The following STK33 variants were observed in gnomAD, a reference collection of about 807,000 sequenced individuals.
STK33 encodes serine/threonine-protein kinase 33.
STK33 carries 52 observed loss-of-function variants against 58.0 expected under a neutral mutation model. The observed-to-expected ratio is 0.90, with a 90% CI of 0.72 to 1.13. The LOEUF (loss-of-function observed/expected upper bound fraction) is 1.13. STK33 is among the 50% of genes most tolerant of loss of function. The pLI, the probability that STK33 is intolerant of heterozygous loss-of-function variation, is 0.00. For synonymous variants in STK33, 215 were observed against 200.1 expected, an observed-to-expected ratio of 1.07 and a Z score of -0.63; for missense variants, 630 against 604.2, an observed-to-expected ratio of 1.04 and a Z score of -0.45.
chr11:8,488,965 A>C (rs535190363), intron 1 of STK33, among the ~76,000 whole-genome samples: 3 of 152,338 alleles, frequency 2.0e-5, no homozygotes, highest in South Asian at 4.1e-4. Flanking sequence ...CCATGTCTAA[A>C]GAACTAAAAG....
rs557651139 is a variant in STK33 at position 8,489,692 on chromosome 11, T to C, written c.-465-9078A>G. Among the ~76,000 whole-genome samples the C allele has an allele frequency of 4.6e-5, 7 of 152,314 alleles. No homozygotes were observed. In the South Asian group the frequency reaches 1.2e-3, roughly 27 times the overall value. ...TTAAAGGTCCTAACTCTTAATACTGTTACAATGACAATTAACTTTCCAGCA... is the reference window on the plus strand; with the variant it reads ...TTAAAGGTCCTAACTCTTAATACTGCTACAATGACAATTAACTTTCCAGCA... On this transcript the variant is annotated intron_variant, in intron 1 of 15. Coordinates refer to ENST00000687296, the MANE Select transcript of STK33 (RefSeq NM_001352389.2).
At chr11:8,340,933 A>G in the STK33 span, among the ~76,000 whole-genome samples, 28 of 152,316 alleles carry the variant, frequency 1.8e-4, no homozygotes, top group African/African-American at 6.7e-4. Context: ...ATGTTGGCTC[A>G]CTGCAACCTC....
chr11:8,397,150 G>T (rs541654504), intron 15 of STK33, among the ~76,000 whole-genome samples: 78 of 152,332 alleles, frequency 5.1e-4, no homozygotes, highest in African/African-American at 1.8e-3. Flanking sequence ...ATCTGAGAAT[G>T]GACAGACTGC....
chr11:8,569,376 A>G (rs1289547041), intron 1 of STK33, among the ~76,000 whole-genome samples: 2 of 152,240 alleles, frequency 1.3e-5, no homozygotes, highest in African/African-American at 4.8e-5. Context: ...AAAAGTCTTC[A>G]ACAAATGGTG....
intron 15 of STK33, among the ~76,000 whole-genome samples, chr11:8,404,270 CTTTCT>C (rs984663816): frequency 6.6e-6 from 1 of 152,264 alleles, no homozygotes; most frequent in African/African-American, 2.4e-5. Context: ...ATATAAATAT[CTTTCT>C]TTTCTTTGTA....
rs572461311 is a variant in STK33, at chr11:8,516,718, C to T, written c.-465-36104G>A. 2.6e-5 allele frequency among the ~76,000 whole-genome samples: 4 copies of T among 152,336 alleles called. No individual in the cohort carries two copies. The East Asian group carries it at 7.7e-4, about 29-fold the overall frequency. On this transcript the variant is annotated intron_variant, in intron 1 of 15. Transcript: ENST00000687296. ...CCTGGCTTGGCGGGTCTCACACCCA[C>T]GAAGCCTCACTCACTGCTAGCACAG...
chr11:8,549,910 A>T (rs1383767832), intron 1 of STK33, among the ~76,000 whole-genome samples: 1 of 152,174 alleles, frequency 6.6e-6, no homozygotes, highest in Admixed American at 6.5e-5. Context: ...ATATTTAAAA[A>T]AAACCAACTT....
chr11:8,513,290 A>G (rs1394635834), intron 1 of STK33, among the ~76,000 whole-genome samples: 1 of 152,052 alleles, frequency 6.6e-6, no homozygotes, highest in Non-Finnish European at 1.5e-5. Flanking sequence ...CCTCATCACA[A>G]TACTGCTAAT....
chr11:8,483,728 G>A (rs1025162198), intron 1 of STK33, among the ~76,000 whole-genome samples: 6 of 152,102 alleles, frequency 3.9e-5, no homozygotes, highest in Non-Finnish European at 5.9e-5. Context: ...ATCTACTGCC[G>A]AACGAACATA....
intron 1 of STK33, among the ~76,000 whole-genome samples, chr11:8,506,631 C>T (rs1290737967): frequency 6.6e-6 from 1 of 152,048 alleles, no homozygotes; most frequent in Non-Finnish European, 1.5e-5. Flanking sequence ...AAAATCCCCT[C>T]ATTTGAAGAT....
chr11:8,471,210 C>T (rs977997723), intron 6 of STK33, among the ~76,000 whole-genome samples: 1 of 152,134 alleles, frequency 6.6e-6, no homozygotes, highest in African/African-American at 2.4e-5. Context: ...TTTATTTTCT[C>T]TCTAAATAGA....
intron 6 of STK33, among the ~76,000 whole-genome samples, chr11:8,472,762 G>A (rs1341627627): frequency 6.6e-5 from 10 of 152,252 alleles, no homozygotes; most frequent in South Asian, 2.1e-4. Context: ...ATCGCAGGAT[G>A]GAAAAGATGG....
At chr11:8,360,409 G>A in the STK33 span, among the ~76,000 whole-genome samples, 1 of 152,204 alleles carries the variant, frequency 6.6e-6, no homozygotes, top group African/African-American at 2.4e-5. Flanking sequence ...CCTAGCCCCA[G>A]GTCCACATTG....
At chr11:8,402,577 G>A (rs1938274998) in intron 15 of STK33, among the ~76,000 whole-genome samples, 1 of 152,050 alleles carries the variant, frequency 6.6e-6, no homozygotes, top group African/African-American at 2.4e-5. Flanking sequence ...TAACAAACCT[G>A]CATGTTGTGC....
intron 1 of STK33, among the ~76,000 whole-genome samples, chr11:8,510,345 ATTAT>A (rs1180425730): frequency 1.3e-5 from 2 of 151,450 alleles, no homozygotes; most frequent in Non-Finnish European, 3.0e-5. Context: ...TTTGGATGGG[ATTAT>A]TTGTTTTTTT....
chr11:8,576,032 G>A (rs984786135), intron 1 of STK33, among the ~76,000 whole-genome samples: 2 of 151,998 alleles, frequency 1.3e-5, no homozygotes, highest in Admixed American at 6.6e-5. Flanking sequence ...TCTAGTTAGC[G>A]AATCAACAAC....
chr11:8,560,485 C>T (rs1261436830), intron 1 of STK33, among the ~76,000 whole-genome samples: 1 of 151,986 alleles, frequency 6.6e-6, no homozygotes, highest in Non-Finnish European at 1.5e-5. Context: ...AAACATATTG[C>T]AATTATTCTC....
intron 1 of STK33, among the ~76,000 whole-genome samples, chr11:8,584,113 A>G (rs2031006920): frequency 7.7e-6 from 1 of 129,662 alleles, no homozygotes; most frequent in African/African-American, 2.6e-5. Flanking sequence ...TTTAGATGAA[A>G]AAAAAAAAAA....
At chr11:8,457,153 T>C (rs1407058787) in intron 9 of STK33, among the ~76,000 whole-genome samples, 188 bp downstream of exon 9, 1 of 152,176 alleles carries the variant, frequency 6.6e-6, no homozygotes, top group Non-Finnish European at 1.5e-5. Flanking sequence ...TAATTTCATC[T>C]TCGTTCATAT....
Sources: allele counts gnomAD v4.1 joint callset (sites outside exome capture counted in the v4.1 genomes callset), GRCh38; gene constraint gnomAD v4.1.1; transcripts MANE v1.5; gene names NCBI Gene and HGNC (gene_info 2026-07-23, HGNC 2026-07-21).